FGF1: variants seen among roughly 807,000 people sequenced by gnomAD.
FGF1 encodes the protein fibroblast growth factor 1, also known as beta-endothelial cell growth factor.
Under a neutral mutation model 13.4 loss-of-function variants are expected in FGF1, and 9 were observed. The observed-to-expected ratio is 0.67, with a 90% CI of 0.40 to 1.17. The LOEUF is 1.17. Among genes scored for constraint, FGF1 ranks in the 50% most tolerant of loss-of-function variants. The probability of loss-of-function intolerance (pLI) is 0.01; values close to 1 mark genes in which losing one functional copy is unlikely to be tolerated. For missense variants in FGF1, 156 were observed against 192.7 expected (o/e 0.81, Z 1.13); for synonymous variants, 93 against 79.0 (o/e 1.18, Z -0.94).
At chr5:142,613,556 G>A (rs1207612668) in intron 2 of FGF1, among the ~76,000 whole-genome samples, 3 of 152,216 alleles carry the variant, frequency 2.0e-5, no homozygotes, top group African/African-American at 7.2e-5. Flanking sequence ...GACTTGAAAC[G>A]GAGCCCACAT....
At position 142,614,123 on chromosome 5, in the gene FGF1, G is replaced by C. The variant is rs552755699; in HGVS notation, c.5C>G (p.Ala2Gly). Reference sequence around the variant, plus strand: ...TGTGAAGGTGGTGATTTCCCCTTCAGCCATGGCTCAGCAGCTGCTGCTTGT... The same window carrying C: ...TGTGAAGGTGGTGATTTCCCCTTCACCCATGGCTCAGCAGCTGCTGCTTGT... M[A>G]EGEITTFTAL... Residue 2 changes from alanine (A) to glycine (G), a missense_variant, in exon 2 of 4, where the codon GCT becomes GGT. Coordinates refer to ENST00000337706, the MANE Select transcript of FGF1 (RefSeq NM_000800.5). The C allele has an allele frequency of 6.2e-7, 1 of 1,614,202 alleles. No individual in the cohort carries two copies. The highest frequency in any genetic ancestry group is 1.1e-5 in the South Asian group (1 of 91,074).
chr5:142,621,858 T>A (rs1761694269), intron 1 of FGF1, among the ~76,000 whole-genome samples: 1 of 152,204 alleles, frequency 6.6e-6, no homozygotes, highest in Non-Finnish European at 1.5e-5. Context: ...TTCCTCTCTT[T>A]CTCTCTACCC....
At chr5:142,619,764 C>T (rs899689415) in intron 1 of FGF1, among the ~76,000 whole-genome samples, 26 of 151,148 alleles carry the variant, frequency 1.7e-4, no homozygotes, top group African/African-American at 4.6e-4. Flanking sequence ...ACCCGGGAGG[C>T]GGAGGTTGTG....
intron 1 of FGF1, among the ~76,000 whole-genome samples, chr5:142,622,323 T>C (rs1761786346): frequency 6.6e-6 from 1 of 152,216 alleles, no homozygotes. Flanking sequence ...TGTGAATTCT[T>C]GTTGATTGAA....
chr5:142,620,929 T>C (rs890609424), intron 1 of FGF1, among the ~76,000 whole-genome samples: 1 of 152,228 alleles, frequency 6.6e-6, no homozygotes, highest in Non-Finnish European at 1.5e-5. Context: ...CCTGTTCAGT[T>C]GGTGAAAATG....
chr5:142,636,589 C>T (rs1764286865), intron 1 of FGF1, among the ~76,000 whole-genome samples: 1 of 152,200 alleles, frequency 6.6e-6, no homozygotes, highest in African/African-American at 2.4e-5. Flanking sequence ...GACCTTTCCC[C>T]ATGCAAGCGA....
chr5:142,607,565 G>C (rs1431715205), intron 2 of FGF1, among the ~76,000 whole-genome samples: 1 of 152,170 alleles, frequency 6.6e-6, no homozygotes, highest in East Asian at 1.9e-4. Context: ...AAATTTCTTG[G>C]AGAAATTCAA....
chr5:142,669,206 A>T (rs1274285339), intron 1 of FGF1, among the ~76,000 whole-genome samples: 1 of 152,150 alleles, frequency 6.6e-6, no homozygotes, highest in Non-Finnish European at 1.5e-5. Flanking sequence ...GCCAGTGGAG[A>T]CTTTGGAGAA....
intron 1 of FGF1, among the ~76,000 whole-genome samples, chr5:142,662,021 A>G (rs992698646): frequency 1.3e-4 from 19 of 151,684 alleles, no homozygotes; most frequent in African/African-American, 3.6e-4. Flanking sequence ...AAAACAAAAA[A>G]CACACAGACA....
At chr5:142,627,840 A>G (rs1762718519) in intron 1 of FGF1, among the ~76,000 whole-genome samples, 1 of 152,264 alleles carries the variant, frequency 6.6e-6, no homozygotes. Flanking sequence ...GATGTGGTCT[A>G]TTTCTAGAGG....
chr5:142,621,074 C>A (rs952663213), intron 1 of FGF1, among the ~76,000 whole-genome samples: 7 of 152,156 alleles, frequency 4.6e-5, no homozygotes, highest in Admixed American at 3.9e-4. Flanking sequence ...CCAGCACTGC[C>A]TTCTTTCAAT....
intron 2 of FGF1, among the ~76,000 whole-genome samples, chr5:142,609,532 T>C (rs1758607409): frequency 6.6e-6 from 1 of 152,204 alleles, no homozygotes; most frequent in Non-Finnish European, 1.5e-5. Flanking sequence ...GGGCGGGGCT[T>C]GCTGCACCTG....
intron 2 of FGF1, among the ~76,000 whole-genome samples, chr5:142,603,557 C>T (rs973060013): frequency 5.9e-5 from 9 of 152,184 alleles, no homozygotes; most frequent in Non-Finnish European, 8.8e-5. Context: ...GTCCTGTTCC[C>T]TCTGGGGTCC....
intron 1 of FGF1, among the ~76,000 whole-genome samples, chr5:142,673,271 A>C (rs577979170): frequency 6.4e-4 from 97 of 152,226 alleles, no homozygotes; most frequent in Non-Finnish European, 1.1e-3. Flanking sequence ...CTCATCTTTT[A>C]TTCTTAGTTG....
chr5:142,605,964 C>A (rs1056291047), intron 2 of FGF1, among the ~76,000 whole-genome samples: 2 of 152,144 alleles, frequency 1.3e-5, no homozygotes, highest in Non-Finnish European at 2.9e-5. Flanking sequence ...GCTGGCCACA[C>A]AGCAGCAGCT....
chr5:142,616,327 G>A (rs1251127973), intron 1 of FGF1, among the ~76,000 whole-genome samples: 1 of 152,148 alleles, frequency 6.6e-6, no homozygotes, highest in African/African-American at 2.4e-5. Flanking sequence ...ACTAGTGTTG[G>A]AGGTGCCTCC....
At chr5:142,618,861 A>G (rs1314172368) in intron 1 of FGF1, among the ~76,000 whole-genome samples, 1 of 151,822 alleles carries the variant, frequency 6.6e-6, no homozygotes, top group Non-Finnish European at 1.5e-5. Flanking sequence ...ACTAAGCTGG[A>G]AGGAAAGACT....
chr5:142,638,812 C>T (rs1228176334), intron 1 of FGF1, among the ~76,000 whole-genome samples: 1 of 151,796 alleles, frequency 6.6e-6, no homozygotes, highest in Non-Finnish European at 1.5e-5. Context: ...TATAAGGAAC[C>T]CAAACAACTC....
chr5:142,630,386 C>T (rs920483002), intron 1 of FGF1, among the ~76,000 whole-genome samples: 29 of 152,264 alleles, frequency 1.9e-4, no homozygotes, highest in African/African-American at 6.5e-4. Flanking sequence ...GTCCAATTCA[C>T]GAGCAGCTCC....
Sources: allele counts gnomAD v4.1 joint callset (sites outside exome capture counted in the v4.1 genomes callset), GRCh38; gene constraint gnomAD v4.1.1; transcripts MANE v1.5; gene names NCBI Gene and HGNC (gene_info 2026-07-23, HGNC 2026-07-21).